Variants in TMEM232 observed in about 807,000 individuals in gnomAD.
TMEM232 encodes the protein transmembrane protein 232.
Under a neutral mutation model 78.8 loss-of-function variants are expected in TMEM232, and 80 were observed. The observed-to-expected ratio is 1.01, with a 90% CI of 0.85 to 1.22. The LOEUF (loss-of-function observed/expected upper bound fraction) is 1.22. Among genes scored for constraint, TMEM232 ranks in the 50% most tolerant of loss-of-function variants. The probability of loss-of-function intolerance (pLI) is 0.00; values close to 1 mark genes in which losing one functional copy is unlikely to be tolerated. For synonymous variants in TMEM232, 297 were observed against 254.3 expected, an observed-to-expected ratio of 1.17 and a Z score of -1.60; for missense variants, 881 against 742.2, an observed-to-expected ratio of 1.19 and a Z score of -2.17.
At chr5:110,733,525 C>T (rs1798879770) in intron 2 of TMEM232, among the ~76,000 whole-genome samples, 1 of 152,160 alleles carries the variant, frequency 6.6e-6, no homozygotes, top group Non-Finnish European at 1.5e-5. Context: ...AGATCATGTC[C>T]TTTGCAGGAA....
intron 12 of TMEM232, among the ~76,000 whole-genome samples, chr5:110,458,578 G>T (rs1761148122): frequency 6.6e-6 from 1 of 151,916 alleles, no homozygotes; most frequent in Admixed American, 6.6e-5. Flanking sequence ...TATAATCTAG[G>T]GTGCATTTAT....
At chr5:110,556,918 C>T (rs1045915059) in intron 11 of TMEM232, among the ~76,000 whole-genome samples, 1 of 152,134 alleles carries the variant, frequency 6.6e-6, no homozygotes, top group Non-Finnish European at 1.5e-5. Context: ...ATATCATCCT[C>T]TCCAGTGAGG....
At chr5:110,401,815 T>C (rs1755611985) in intron 2 of TMEM232, among the ~76,000 whole-genome samples, 1 of 152,122 alleles carries the variant, frequency 6.6e-6, no homozygotes, top group South Asian at 2.1e-4. Context: ...CTGACTACTT[T>C]AGAAAACATC....
At chr5:110,599,187 G>A (rs1465760468) in intron 10 of TMEM232, among the ~76,000 whole-genome samples, 1 of 151,980 alleles carries the variant, frequency 6.6e-6, no homozygotes, top group Non-Finnish European at 1.5e-5. Context: ...ATATGGAAAG[G>A]AAAGACCAGT....
chr5:110,419,243 T>C (rs544432554), downstream of TMEM232, among the ~76,000 whole-genome samples: 52 of 152,174 alleles, frequency 3.4e-4, no homozygotes, highest in African/African-American at 1.2e-3. Flanking sequence ...TGGGAGATAT[T>C]TCTAGGAACT....
chr5:110,613,014 C>T (rs938828605), intron 8 of TMEM232, among the ~76,000 whole-genome samples: 12 of 152,290 alleles, frequency 7.9e-5, no homozygotes, highest in African/African-American at 2.6e-4. Flanking sequence ...TTATCTCCAG[C>T]TATGGGCAGA....
intron 12 of TMEM232, among the ~76,000 whole-genome samples, chr5:110,527,761 CA>C (rs1322036911): frequency 1.3e-5 from 2 of 151,688 alleles, no homozygotes; most frequent in African/African-American, 4.8e-5. Context: ...CTGAACATAT[CA>C]AAAAATGAAT....
chr5:110,641,761 T>C (rs1308221150), intron 3 of TMEM232, among the ~76,000 whole-genome samples: 1 of 152,152 alleles, frequency 6.6e-6, no homozygotes, highest in Admixed American at 6.6e-5. Flanking sequence ...CTGAATCCAA[T>C]GTAAAAAAGG....
At chr5:110,491,275 C>T (rs1416155038) in intron 12 of TMEM232, among the ~76,000 whole-genome samples, 1 of 151,952 alleles carries the variant, frequency 6.6e-6, no homozygotes, top group African/African-American at 2.4e-5. Context: ...AGCAATATAC[C>T]TTTCACATTC....
At chr5:110,738,207 AG>A, upstream of TMEM232, 1 of 1,286,574 alleles carries the variant, frequency 7.8e-7, no homozygotes, top group South Asian at 1.2e-5. Flanking sequence ...AGATCTGGGG[AG>A]GGAGCCTGGC....
chr5:110,409,118 T>A (rs1205708838), intron 2 of TMEM232, among the ~76,000 whole-genome samples: 1 of 152,212 alleles, frequency 6.6e-6, no homozygotes, highest in African/African-American at 2.4e-5. Flanking sequence ...AGTTCCAGAA[T>A]TTACTTTGTT....
chr5:110,682,761 T>C (rs1005488283), intron 1 of TMEM232, among the ~76,000 whole-genome samples: 2 of 152,164 alleles, frequency 1.3e-5, no homozygotes, highest in African/African-American at 4.8e-5. Flanking sequence ...AATATCCCAG[T>C]AGACAAATCC....
intron 3 of TMEM232, among the ~76,000 whole-genome samples, chr5:110,396,478 C>A (rs1580548281): frequency 6.6e-6 from 1 of 152,254 alleles, no homozygotes; most frequent in East Asian, 1.9e-4. Flanking sequence ...ACTGTATACA[C>A]ATTTATACAG....
At chr5:110,633,217 C>T (rs548114808) in intron 5 of TMEM232, among the ~76,000 whole-genome samples, 5 of 152,112 alleles carry the variant, frequency 3.3e-5, no homozygotes, top group African/African-American at 1.2e-4. Flanking sequence ...ATAGACTAGG[C>T]TTACAAAAAA....
At chr5:110,390,892 A>G (rs781739866) in intron 3 of TMEM232, among the ~76,000 whole-genome samples, 15 of 152,222 alleles carry the variant, frequency 9.9e-5, no homozygotes, top group Non-Finnish European at 1.9e-4. Context: ...AGATTCATCT[A>G]TCATTTGCAT....
intron 2 of TMEM232, among the ~76,000 whole-genome samples, chr5:110,666,309 A>G (rs1024966461): frequency 6.6e-6 from 1 of 152,188 alleles, no homozygotes; most frequent in African/African-American, 2.4e-5. Flanking sequence ...TAATCACTGT[A>G]TACATAATTT....
intron 11 of TMEM232, among the ~76,000 whole-genome samples, chr5:110,558,538 C>A (rs192307608): frequency 1.3e-5 from 2 of 152,190 alleles, no homozygotes; most frequent in Admixed American, 1.3e-4. Flanking sequence ...GGCTGCACTG[C>A]AAGTGAGTGT....
At chr5:110,525,662 T>C (rs1234026859) in intron 12 of TMEM232, among the ~76,000 whole-genome samples, 3 of 151,778 alleles carry the variant, frequency 2.0e-5, no homozygotes, top group Non-Finnish European at 4.4e-5. Flanking sequence ...TACAACTAGA[T>C]TGTTAGAAGT....
intron 1 of TMEM232, among the ~76,000 whole-genome samples, chr5:110,690,656 T>C (rs549787939): frequency 1.3e-5 from 2 of 152,342 alleles, no homozygotes; most frequent in Admixed American, 1.3e-4. Flanking sequence ...ATCATCCTAC[T>C]ATAAACACAC....
Sources: allele counts gnomAD v4.1 joint callset (sites outside exome capture counted in the v4.1 genomes callset), GRCh38; gene constraint gnomAD v4.1.1; transcripts MANE v1.5; gene names NCBI Gene and HGNC (gene_info 2026-07-23, HGNC 2026-07-21).